NFATC3: variants seen among roughly 807,000 people sequenced by gnomAD.
NFATC3 encodes the protein nuclear factor of activated T cells 3.
In NFATC3, 46 loss-of-function variants were observed where a neutral mutation model predicts 98.6. That is an observed-to-expected ratio of 0.47 (90% confidence interval 0.37 to 0.60). The LOEUF is 0.60. NFATC3 is among the 20% of genes least tolerant of loss of function. The probability of loss-of-function intolerance (pLI) is 0.00; values close to 1 mark genes in which losing one functional copy is unlikely to be tolerated. For missense variants in NFATC3, 1,256 were observed against 1,295.5 expected (o/e 0.97, Z 0.47); for synonymous variants, 512 against 472.2 (o/e 1.08, Z -1.09).
chr16:68,123,879 G>A (rs1192154185), intron 2 of NFATC3, among the ~76,000 whole-genome samples: 1 of 151,910 alleles, frequency 6.6e-6, no homozygotes, highest in Non-Finnish European at 1.5e-5. Flanking sequence ...CAGGTACTAG[G>A]GAGGCTGAGG....
intron 4 of NFATC3, among the ~76,000 whole-genome samples, chr16:68,163,466 CGGGCGGGGCTGCTGGCT>C (rs1567528091): frequency 6.6e-6 from 1 of 150,984 alleles, no homozygotes; most frequent in African/African-American, 2.4e-5. Context: ...CCTCACCTCC[CGGGCGGGGCTGCTGGCT>C]GGGCGGGGGG....
chr16:68,107,272 T>G (rs2035709417), intron 1 of NFATC3, among the ~76,000 whole-genome samples: 1 of 152,240 alleles, frequency 6.6e-6, no homozygotes, highest in African/African-American at 2.4e-5. Flanking sequence ...AGTAATGGGA[T>G]TGCTAGGTAA....
At position 68,085,688 on chromosome 16, in the gene NFATC3, A is replaced by C; in HGVS notation, c.7A>C (p.Thr3Pro). The C allele has an allele frequency of 6.6e-7, 1 of 1,514,330 alleles. No homozygotes were observed. The highest frequency in any genetic ancestry group is 1.9e-4 in the Middle Eastern group (1 of 5,294). The allele number at this position is 1,514,330 out of a possible 1,614,324, so 93.8% of individuals were successfully genotyped here. A position where few individuals can be genotyped will look rare whatever the true frequency, so the allele number is the denominator to read the frequency against. ...AGCACCCTGGGCCACGCCGATGACT[A>C]CTGCAAACTGTGGCGCCCACGACGA... is the stretch of plus-strand genomic sequence containing the variant. Reference protein sequence around the residue: MTTANCGAHDELD... With the variant: MTPANCGAHDELD... The change falls in exon 1 of 10, where the codon ACT becomes CCT. Residue 3 changes from threonine (T) to proline (P), a missense_variant. By Grantham distance (38) the Thr-to-Pro change is conservative. Around this residue, in one of 3 missense-constraint regions of NFATC3, gnomAD observed 464 missense variants for 465.7 expected, o/e 1.00. Coordinates refer to ENST00000346183, the MANE Select transcript of NFATC3 (RefSeq NM_173165.3).
At chr16:68,167,117 T>A in intron 5 of NFATC3, 102 bp downstream of exon 5, 1 of 1,228,056 alleles carries the variant, frequency 8.1e-7, no homozygotes, top group South Asian at 1.6e-5. Context: ...AACTGAGGCA[T>A]ACAATCTGGG....
chr16:68,145,561 A>G (rs1312583130), intron 3 of NFATC3, among the ~76,000 whole-genome samples: 2 of 152,250 alleles, frequency 1.3e-5, no homozygotes, highest in Admixed American at 6.5e-5. Flanking sequence ...CTGTTGATAC[A>G]TGCAACAACT....
chr16:68,111,239 A>G lies in NFATC3; in HGVS notation c.104-10748A>G, dbSNP rs557932253. 3.3e-5 allele frequency among the ~76,000 whole-genome samples: 5 copies of G among 152,278 alleles called. No homozygotes were observed. The South Asian group carries it at 8.3e-4, about 25-fold the overall frequency. The stretch of plus-strand genomic sequence containing the variant: ...ACAGTGGGGTGTTAAGTCTCCCACT[A>G]TTGTTGTGTGGGAGTCTAAGTCTCT... On this transcript the variant is annotated intron_variant, in intron 1 of 9. Coordinates refer to ENST00000346183, the MANE Select transcript of NFATC3 (RefSeq NM_173165.3).
At chr16:68,123,828 T>A (rs1412578238) in intron 2 of NFATC3, among the ~76,000 whole-genome samples, 3 of 134,662 alleles carry the variant, frequency 2.2e-5, no homozygotes, top group Non-Finnish European at 5.4e-5. Context: ...CTACAAAAAA[T>A]ACAAAAATTA....
intron 1 of NFATC3, among the ~76,000 whole-genome samples, chr16:68,096,469 A>C (rs2035024536): frequency 6.6e-6 from 1 of 152,226 alleles, no homozygotes; most frequent in African/African-American, 2.4e-5. Context: ...AAATATACTA[A>C]ATCATTTAAT....
At chr16:68,222,921 G>A (rs2041921026) in intron 9 of NFATC3, among the ~76,000 whole-genome samples, 1 of 152,150 alleles carries the variant, frequency 6.6e-6, no homozygotes, top group Non-Finnish European at 1.5e-5. Context: ...CCCAGAACCT[G>A]CACAGAAAAC....
rs1352697938 is a variant in NFATC3, at chr16:68,221,505, TTTTAA to T, written c.3107-4844_3107-4840del. On this transcript the variant is annotated intron_variant, in intron 9 of 9. Transcript: ENST00000346183. ...GTCATTGTTCCAAGTCCCCAAATTG[TTTTAA>T]AGATTCAGTTGGCAAGTAATTTTAT... 33 of 1,262,822 alleles carry T rather than the reference TTTTAA, an allele frequency of 2.6e-5. No homozygotes were observed. The South Asian group carries it at 4.0e-4, about 15-fold the overall frequency. The allele number at this position is 1,262,822 out of a possible 1,614,324, so 78.2% of individuals were successfully genotyped here.
chr16:68,114,466 A>G (rs2036158143), intron 1 of NFATC3, among the ~76,000 whole-genome samples: 1 of 152,048 alleles, frequency 6.6e-6, no homozygotes. Context: ...CACACTATTC[A>G]TGGAGGCTAA....
chr16:68,167,810 C>CTTTTTTTTTTTTTTTTTTT lies in NFATC3; in HGVS notation c.1774+816_1774+834dup, dbSNP rs35302776. Among the ~76,000 whole-genome samples, 32 of 23,920 alleles carry CTTTTTTTTTTTTTTTTTTT rather than the reference C, an allele frequency of 1.3e-3. 14 individuals carry two copies. Among genetic ancestry groups the CTTTTTTTTTTTTTTTTTTT allele is most frequent in the East Asian group, 3.8e-3 (2 of 532 alleles). 15.7% of individuals were successfully genotyped at this position (23,920 alleles called of 152,430 possible). A position where few individuals can be genotyped will look rare whatever the true frequency, so the allele number is the denominator to read the frequency against. On this transcript the variant is annotated intron_variant, in intron 5 of 9. Coordinates refer to ENST00000346183, the MANE Select transcript of NFATC3 (RefSeq NM_173165.3). ...TTTATATCTGTTAACCGTATGTGTT[C>CTTTTTTTTTTTTTTTTTTT]TTTTTTTTTTTTTTTTTTTTTTTTT...
chr16:68,192,868 TA>T (rs1369123706), intron 9 of NFATC3, among the ~76,000 whole-genome samples: 2 of 151,584 alleles, frequency 1.3e-5, no homozygotes, highest in East Asian at 1.9e-4. Context: ...GCCTCAAATT[TA>T]AAAAAAAGAT....
intron 9 of NFATC3, among the ~76,000 whole-genome samples, chr16:68,210,771 C>G (rs2041352304): frequency 6.6e-6 from 1 of 151,904 alleles, no homozygotes; most frequent in African/African-American, 2.4e-5. Context: ...AAAGAATATT[C>G]TGTAGTTTTT....
chr16:68,121,432 A>T (rs2036577114), intron 1 of NFATC3, among the ~76,000 whole-genome samples: 1 of 150,972 alleles, frequency 6.6e-6, no homozygotes, highest in African/African-American at 2.4e-5. Context: ...CTGTAATCCC[A>T]GCACTTTGGG....
At chr16:68,097,233 A>C (rs1175281417) in intron 1 of NFATC3, among the ~76,000 whole-genome samples, 2 of 152,242 alleles carry the variant, frequency 1.3e-5, no homozygotes, top group African/African-American at 4.8e-5. Flanking sequence ...GCTATTACAA[A>C]ATGTCTGTGG....
At chr16:68,137,452 T>G (rs2037483524) in intron 3 of NFATC3, among the ~76,000 whole-genome samples, 1 of 152,292 alleles carries the variant, frequency 6.6e-6, no homozygotes, top group East Asian at 1.9e-4. Flanking sequence ...CACTGTTATG[T>G]AGCTCATGAC....
chr16:68,155,691 G>C (rs2038574483), intron 3 of NFATC3, among the ~76,000 whole-genome samples: 1 of 152,100 alleles, frequency 6.6e-6, no homozygotes, highest in Admixed American at 6.6e-5. Context: ...TATAGCTTCA[G>C]ACACAGTTTA....
intron 1 of NFATC3, chr16:68,089,199 T>C: frequency 1.0e-6 from 1 of 985,306 alleles, no homozygotes; most frequent in Non-Finnish European, 1.2e-6. Context: ...TGAAAAATAG[T>C]GAGGTAAGTG....
Sources: allele counts gnomAD v4.1 joint callset (sites outside exome capture counted in the v4.1 genomes callset), GRCh38; gene constraint gnomAD v4.1.1; regional missense constraint gnomAD v4.1.1; transcripts MANE v1.5; gene names NCBI Gene and HGNC (gene_info 2026-07-23, HGNC 2026-07-21).